TWSG1: variants seen among roughly 807,000 people sequenced by gnomAD.
TWSG1 encodes twisted gastrulation BMP signaling modulator 1, also known as twisted gastrulation protein homolog 1.
TWSG1 carries 15 observed loss-of-function variants against 23.0 expected under a neutral mutation model. The observed-to-expected ratio is 0.65, with a 90% CI of 0.44 to 1.00. The LOEUF (loss-of-function observed/expected upper bound fraction) is 1.00. Ranked by LOEUF, TWSG1 falls within the 50% of genes least tolerant of loss-of-function variation. The pLI is 0.00. For synonymous variants in TWSG1, 86 were observed against 92.8 expected (o/e 0.93, Z 0.42); for missense variants, 242 against 278.7 (o/e 0.87, Z 0.94).
intron 2 of TWSG1, among the ~76,000 whole-genome samples, chr18:9,347,888 T>C (rs1189574344): frequency 1.3e-5 from 2 of 152,216 alleles, no homozygotes; most frequent in African/African-American, 2.4e-5. Context: ...TTTTTTTTGC[T>C]GGTGGAGGAG....
intron 3 of TWSG1, among the ~76,000 whole-genome samples, chr18:9,394,102 CTG>C (rs757533824): frequency 2.8e-4 from 43 of 152,312 alleles, no homozygotes; most frequent in Non-Finnish European, 4.0e-4. Context: ...ATCTGCACCT[CTG>C]TGTTTATTGC....
intron 2 of TWSG1, among the ~76,000 whole-genome samples, chr18:9,340,565 A>G (rs890717460): frequency 2.0e-5 from 3 of 152,080 alleles, no homozygotes; most frequent in African/African-American, 7.2e-5. Context: ...TCCTCTTACT[A>G]TGGCTGTGTG....
chr18:9,376,885 C>T (rs1295296152), intron 3 of TWSG1, among the ~76,000 whole-genome samples: 1 of 149,164 alleles, frequency 6.7e-6, no homozygotes, highest in African/African-American at 2.5e-5. Flanking sequence ...CTGTACTGAA[C>T]ATGTACAGAA....
rs1034647430 is a variant in TWSG1, at chr18:9,401,624, G to A, written c.*2097G>A. The A allele has an allele frequency of 4.0e-5, 6 of 151,734 alleles. No individual in the cohort carries two copies. Among genetic ancestry groups the A allele is most frequent in the Admixed American group, 2.6e-4 (4 of 15,228 alleles). The allele number at this position is 151,734 out of a possible 1,614,324, so 9.4% of individuals were successfully genotyped here. On this transcript the variant is annotated 3_prime_UTR_variant, in exon 5 of 5. Coordinates refer to ENST00000262120, the MANE Select transcript of TWSG1 (RefSeq NM_020648.6). ...TAAAGATCTTTTGCCTTCAAATTTG[G>A]CTTATTTTTTCTGATTTATGAGGGT...
At chr18:9,346,923 G>T (rs2040479992) in intron 2 of TWSG1, among the ~76,000 whole-genome samples, 3 of 152,172 alleles carry the variant, frequency 2.0e-5, no homozygotes. Flanking sequence ...TTTCAAAGTG[G>T]CTGTACCATT....
intron 2 of TWSG1, among the ~76,000 whole-genome samples, chr18:9,339,239 C>T (rs927292546): frequency 6.6e-5 from 10 of 151,830 alleles, no homozygotes; most frequent in African/African-American, 2.4e-4. Context: ...TTTAAAATAC[C>T]TTGCTTTTAA....
intron 3 of TWSG1, among the ~76,000 whole-genome samples, chr18:9,373,945 C>T (rs1351562736): frequency 6.6e-6 from 1 of 152,182 alleles, no homozygotes; most frequent in East Asian, 1.9e-4. Context: ...AAGCAACACA[C>T]TTCTAAACAC....
intron 3 of TWSG1, among the ~76,000 whole-genome samples, chr18:9,394,867 T>G (rs968111752): frequency 2.0e-5 from 3 of 151,764 alleles, no homozygotes; most frequent in African/African-American, 7.3e-5. Flanking sequence ...CACTAAACAC[T>G]CCAGTCTATA....
At chr18:9,377,473 C>T (rs942818162) in intron 3 of TWSG1, among the ~76,000 whole-genome samples, 1 of 152,124 alleles carries the variant, frequency 6.6e-6, no homozygotes. Flanking sequence ...CCCGCCTTGG[C>T]CTCCCAAAGT....
chr18:9,350,118 C>A (rs2040495654), intron 2 of TWSG1, among the ~76,000 whole-genome samples: 1 of 151,458 alleles, frequency 6.6e-6, no homozygotes, highest in African/African-American at 2.4e-5. Context: ...CCAGCCTGGG[C>A]AACAGAGCGA....
chr18:9,346,355 A>T (rs969571082), intron 2 of TWSG1, among the ~76,000 whole-genome samples: 38 of 152,198 alleles, frequency 2.5e-4, no homozygotes, highest in Non-Finnish European at 5.3e-4. Context: ...ATTACCTAAT[A>T]ATATCCCATT....
Position 9,401,426 on chromosome 18 carries a change from T to A in TWSG1, c.*1899T>A, listed in dbSNP as rs533832838. 6.6e-6 allele frequency: 1 copy of A among 151,440 alleles called. No individual in the cohort carries two copies. Among genetic ancestry groups the A allele is most frequent in the East Asian group, 1.9e-4 (1 of 5,192 alleles). The allele number at this position is 151,440 out of a possible 1,614,324, so 9.4% of individuals were successfully genotyped here. A position where few individuals can be genotyped will look rare whatever the true frequency, so the allele number is the denominator to read the frequency against. On this transcript the variant is annotated 3_prime_UTR_variant, in exon 5 of 5. Coordinates refer to ENST00000262120, the MANE Select transcript of TWSG1 (RefSeq NM_020648.6). ...GGCAACATGCCTAATGTTTTCTTAATGATGACAACAAATATTTTAAAACTG... is the reference window on the plus strand; with the variant it reads ...GGCAACATGCCTAATGTTTTCTTAAAGATGACAACAAATATTTTAAAACTG...
intron 2 of TWSG1, among the ~76,000 whole-genome samples, chr18:9,338,532 G>A (rs1030316893): frequency 2.0e-5 from 3 of 152,096 alleles, no homozygotes; most frequent in Non-Finnish European, 4.4e-5. Flanking sequence ...CTGTTTTGTT[G>A]ATAATTCTAA....
chr18:9,390,171 T>TC (rs57341714), intron 3 of TWSG1, among the ~76,000 whole-genome samples: 23 of 141,994 alleles, frequency 1.6e-4, no homozygotes, highest in South Asian at 2.3e-4. Flanking sequence ...TTCTTCTTCT[T>TC]TTTTTTTGAG....
At position 9,340,367 on chromosome 18, in the gene TWSG1, CAAAAAAAAAAA is replaced by C. The variant is rs775837207; in HGVS notation, c.123+3028_123+3038del. Among the ~76,000 whole-genome samples the C allele has an allele frequency of 6.1e-4, 41 of 67,100 alleles. 1 individual carries two copies. The highest frequency in any genetic ancestry group is 5.3e-3 in the Admixed American group (27 of 5,076). The allele number at this position is 67,100 out of a possible 152,430, so 44.0% of individuals were successfully genotyped here. On this transcript the variant is annotated intron_variant, in intron 2 of 4. Transcript: ENST00000262120. ...TGGGCGACAGAGCAAGACTCCATTT[CAAAAAAAAAAA>C]AAAAAAAAAAAAGAAAAGATCTAGG... is the stretch of plus-strand genomic sequence containing the variant.
At chr18:9,348,658 C>T (rs2040488154) in intron 2 of TWSG1, among the ~76,000 whole-genome samples, 1 of 152,190 alleles carries the variant, frequency 6.6e-6, no homozygotes, top group Non-Finnish European at 1.5e-5. Flanking sequence ...ACGAGAGCTG[C>T]TTTTCTCCTT....
At chr18:9,349,809 G>A (rs1285170422) in intron 2 of TWSG1, among the ~76,000 whole-genome samples, 1 of 152,036 alleles carries the variant, frequency 6.6e-6, no homozygotes, top group Admixed American at 6.6e-5. Flanking sequence ...TTCCTAAATT[G>A]TTTCTTTCCT....
chr18:9,393,598 C>T (rs909878211), intron 3 of TWSG1, among the ~76,000 whole-genome samples: 1 of 152,160 alleles, frequency 6.6e-6, no homozygotes, highest in Admixed American at 6.5e-5. Flanking sequence ...TACTCTGTCA[C>T]CCAGGCTGGA....
At chr18:9,397,838 C>G (rs12954619) in intron 4 of TWSG1, among the ~76,000 whole-genome samples, 1 of 151,988 alleles carries the variant, frequency 6.6e-6, no homozygotes, top group African/African-American at 2.4e-5. Context: ...GACCTCGTCT[C>G]TACTAGAAAT....
Sources: gnomAD v4.1 joint callset for allele counts (sites outside exome capture counted in the v4.1 genomes callset) on GRCh38, gnomAD v4.1.1 for gene constraint, MANE v1.5 for transcripts, NCBI Gene and HGNC (gene_info 2026-07-23, HGNC 2026-07-21) for gene names.